The following NCAM1 variants were observed in gnomAD, a reference collection of about 807,000 sequenced individuals.
The protein encoded by NCAM1 is antigen recognized by monoclonal antibody 5.1H11.
Under a neutral mutation model 109.8 loss-of-function variants are expected in NCAM1, and 14 were observed. The ratio of observed to expected loss-of-function variants is 0.13; its 90% CI spans 0.08 to 0.20. NCAM1 has a LOEUF of 0.20. Among genes scored for constraint, NCAM1 ranks in the 10% least tolerant of loss-of-function variants. The pLI, the probability that NCAM1 is intolerant of heterozygous loss-of-function variation, is 1.00. For synonymous variants in NCAM1, 418 were observed against 442.9 expected (o/e 0.94, Z 0.70); for missense variants, 774 against 1,109.9 (o/e 0.70, Z 4.30).
chr11:113,179,147 CT>C, intron 1 of NCAM1, among the ~76,000 whole-genome samples: 1 of 152,298 alleles, frequency 6.6e-6, no homozygotes, highest in African/African-American at 2.4e-5. Context: ...CACCAAAAGC[CT>C]TTTGATAAAT....
chr11:113,269,632 C>T (rs1565540646), intron 17 of NCAM1: 1 of 159,556 alleles, frequency 6.3e-6, no homozygotes, highest in Non-Finnish European at 1.4e-5. Context: ...TAATGCAGGG[C>T]TCCTTTGGGG....
intron 1 of NCAM1, among the ~76,000 whole-genome samples, chr11:113,069,638 T>C (rs1938165724): frequency 6.6e-6 from 1 of 152,122 alleles, no homozygotes; most frequent in Non-Finnish European, 1.5e-5. Context: ...TGCAAGTTTT[T>C]AAAAACTCAA....
At chr11:113,246,894 C>G (rs1242225148) in intron 15 of NCAM1, among the ~76,000 whole-genome samples, 1 of 152,200 alleles carries the variant, frequency 6.6e-6, no homozygotes, top group Non-Finnish European at 1.5e-5. Context: ...ACATTGAGGA[C>G]TTTCTGAAAT....
chr11:112,967,303 C>T (rs1374737313), intron 1 of NCAM1, among the ~76,000 whole-genome samples: 3 of 152,128 alleles, frequency 2.0e-5, no homozygotes, highest in Non-Finnish European at 4.4e-5. Context: ...ATTAGGTATT[C>T]TCTTAAATAG....
intron 1 of NCAM1, among the ~76,000 whole-genome samples, chr11:113,009,699 A>G (rs1188286145): frequency 6.6e-6 from 1 of 152,168 alleles, no homozygotes; most frequent in African/African-American, 2.4e-5. Flanking sequence ...TTCCAAGACC[A>G]TGTCTCCACA....
chr11:113,149,146 G>A lies in NCAM1; in HGVS notation c.53-53233G>A, dbSNP rs539961483. Among the ~76,000 whole-genome samples, 35 of 152,282 alleles carry A rather than the reference G, an allele frequency of 2.3e-4. No individual in the cohort carries two copies. In the South Asian group the frequency reaches 5.6e-3, roughly 24 times the overall value. ...CGTTTGAAGTTGCCTGGACTACTTT[G>A]GGTGGGAGCCAGTACCTCTGCTGGA... On this transcript the variant is annotated intron_variant, in intron 1 of 19. Transcript: ENST00000316851.
chr11:113,030,022 AC>A (rs1266294495), intron 1 of NCAM1, among the ~76,000 whole-genome samples: 85 of 152,022 alleles, frequency 5.6e-4, no homozygotes, highest in African/African-American at 2.0e-3. Flanking sequence ...TTTCCTACAC[AC>A]CTGCTATGTA....
intron 1 of NCAM1, among the ~76,000 whole-genome samples, chr11:113,062,267 A>C (rs1046157096): frequency 6.6e-6 from 1 of 152,104 alleles, no homozygotes; most frequent in Non-Finnish European, 1.5e-5. Flanking sequence ...CCTTTCTCCC[A>C]GTATCTGGCA....
At chr11:113,229,324 A>G (rs192708847) in intron 9 of NCAM1, among the ~76,000 whole-genome samples, 2,016 of 152,374 alleles carry the variant, frequency 0.013, 31 homozygotes, top group African/African-American at 0.039. Context: ...CAAAAGACAC[A>G]TGAAAAAAGG....
chr11:113,184,196 G>A (rs1555108465), intron 1 of NCAM1, among the ~76,000 whole-genome samples: 1 of 152,208 alleles, frequency 6.6e-6, no homozygotes, highest in Admixed American at 6.5e-5. Flanking sequence ...TATAAAAAGA[G>A]CATCTGTCCT....
intron 1 of NCAM1, among the ~76,000 whole-genome samples, chr11:113,084,037 C>A (rs1323859481): frequency 6.6e-6 from 1 of 152,070 alleles, no homozygotes; most frequent in African/African-American, 2.4e-5. Flanking sequence ...CTAGGAAACA[C>A]GAAAGTAGTT....
intron 9 of NCAM1, among the ~76,000 whole-genome samples, chr11:113,222,487 A>G (rs1944716628): frequency 6.6e-6 from 1 of 152,212 alleles, no homozygotes; most frequent in Admixed American, 6.5e-5. Context: ...CCTCCCTGTC[A>G]TTGGGATGAC....
At chr11:113,207,770 T>G in intron 6 of NCAM1, 63 bp from the exon 7 acceptor site, 1 of 1,502,846 alleles carries the variant, frequency 6.7e-7, no homozygotes, top group Admixed American at 2.0e-5. Context: ...GGAACCTAAT[T>G]AAAAATAAAC....
chr11:113,010,482 C>A (rs1435601650), intron 1 of NCAM1, among the ~76,000 whole-genome samples: 2 of 152,154 alleles, frequency 1.3e-5, no homozygotes, highest in Admixed American at 6.5e-5. Flanking sequence ...GATAATAAAA[C>A]CACCTCACCT....
intron 1 of NCAM1, among the ~76,000 whole-genome samples, chr11:113,068,665 C>T (rs1264081707): frequency 6.6e-6 from 1 of 152,190 alleles, no homozygotes; most frequent in Non-Finnish European, 1.5e-5. Flanking sequence ...GATCTTCAGT[C>T]TTACAGAACA....
chr11:113,189,615 G>A (rs541989976), intron 1 of NCAM1, among the ~76,000 whole-genome samples: 5 of 152,142 alleles, frequency 3.3e-5, no homozygotes, highest in South Asian at 2.1e-4. Context: ...ACTCCATTCT[G>A]ATTTTAGTCC....
At chr11:113,228,868 C>G (rs1240397441) in intron 9 of NCAM1, among the ~76,000 whole-genome samples, 5 of 152,150 alleles carry the variant, frequency 3.3e-5, no homozygotes, top group Non-Finnish European at 7.4e-5. Flanking sequence ...GCTGGGAAAA[C>G]TGGCTAGCCA....
At chr11:113,215,148 G>C (rs1192682607) in intron 8 of NCAM1, among the ~76,000 whole-genome samples, 1 of 152,150 alleles carries the variant, frequency 6.6e-6, no homozygotes, top group African/African-American at 2.4e-5. Context: ...TAAAATGGCG[G>C]GAAAGATTGA....
chr11:113,272,930 C>A, intron 19 of NCAM1: 1 of 456,824 alleles, frequency 2.2e-6, no homozygotes. Flanking sequence ...TGTCCTCCCA[C>A]AGGCTGCCTG....
Sources: allele counts gnomAD v4.1 joint callset (sites outside exome capture counted in the v4.1 genomes callset), GRCh38; gene constraint gnomAD v4.1.1; transcripts MANE v1.5; gene names NCBI Gene and HGNC (gene_info 2026-07-23, HGNC 2026-07-21).